FUT8: variants seen among roughly 807,000 people sequenced by gnomAD.
The protein encoded by FUT8 is fucosyltransferase 8, also known as alpha-(1,6)-fucosyltransferase.
In FUT8, 29 loss-of-function variants were observed where a neutral mutation model predicts 71.3. That is an observed-to-expected ratio of 0.41 (90% confidence interval 0.30 to 0.55). FUT8 has a LOEUF of 0.55. Ranked by LOEUF, FUT8 falls within the 20% of genes least tolerant of loss-of-function variation. FUT8 has a pLI of 0.34. For missense variants in FUT8, 544 were observed against 702.1 expected, an observed-to-expected ratio of 0.77 and a Z score of 2.55; for synonymous variants, 254 against 239.3, an observed-to-expected ratio of 1.06 and a Z score of -0.57.
chr14:65,724,718 A>C (rs1161484610), intron 9 of FUT8, among the ~76,000 whole-genome samples: 1 of 152,210 alleles, frequency 6.6e-6, no homozygotes, highest in Non-Finnish European at 1.5e-5. Flanking sequence ...TGGGAAATTC[A>C]AGATCAAGAT....
chr14:65,444,445 A>T (rs941422611), intron 1 of FUT8, among the ~76,000 whole-genome samples: 3 of 152,208 alleles, frequency 2.0e-5, no homozygotes, highest in African/African-American at 7.2e-5. Context: ...ACTTCTAAGT[A>T]TTTACCCAAG....
At chr14:65,704,009 C>T (rs1385094927) in intron 7 of FUT8, among the ~76,000 whole-genome samples, 2 of 152,162 alleles carry the variant, frequency 1.3e-5, no homozygotes, top group Non-Finnish European at 2.9e-5. Context: ...AGAATTTCTA[C>T]TTAATAATTC....
intron 3 of FUT8, among the ~76,000 whole-genome samples, chr14:65,608,334 C>A (rs960742382): frequency 1.3e-5 from 2 of 151,254 alleles, no homozygotes; most frequent in African/African-American, 4.9e-5. Context: ...TTATTCTTTC[C>A]AATGTTCATG....
rs1886660201 is a variant in FUT8 at position 65,574,637 on chromosome 14, T to A, written c.203+12871T>A. On this transcript the variant is annotated intron_variant, in intron 3 of 10. Coordinates refer to ENST00000673929, the MANE Select transcript of FUT8 (RefSeq NM_001371533.1). This position sits in a 1 kb window ranked among gnomAD's most constrained non-coding sequence, Gnocchi z 5.2. The stretch of plus-strand genomic sequence containing the variant: ...TATTTTTAATTAAACATGAAAAGCT[T>A]TAAATGGTGCTTCTTGTCTGTTTTA... 6.6e-6 allele frequency among the ~76,000 whole-genome samples: 1 copy of A among 152,130 alleles called. No individual in the cohort carries two copies. The highest frequency in any genetic ancestry group is 1.5e-5 in the Non-Finnish European group (1 of 68,030).
intron 3 of FUT8, among the ~76,000 whole-genome samples, chr14:65,583,646 C>CA (rs5809282): frequency 0.44 from 61,982 of 141,242 alleles, 14,338 homozygotes; most frequent in Non-Finnish European, 0.56. Context: ...AAATAATAAG[C>CA]AAAAAAAAAA....
chr14:65,599,010 C>G (rs1053693867), intron 3 of FUT8, among the ~76,000 whole-genome samples: 2 of 152,058 alleles, frequency 1.3e-5, no homozygotes, highest in Non-Finnish European at 2.9e-5. Context: ...AGGATGGTCT[C>G]GATCTCCTGA....
chr14:65,511,788 TA>T (rs1000833814), intron 2 of FUT8, among the ~76,000 whole-genome samples: 2 of 152,228 alleles, frequency 1.3e-5, no homozygotes, highest in Admixed American at 1.3e-4. Flanking sequence ...TGTGTCTTTA[TA>T]GGTGAAGTGT....
At chr14:65,631,175 C>G (rs865914093) in intron 6 of FUT8, among the ~76,000 whole-genome samples, 2 of 152,178 alleles carry the variant, frequency 1.3e-5, no homozygotes, top group Admixed American at 6.5e-5. Context: ...GAACCTCACT[C>G]AGTGAACTAT....
intron 3 of FUT8, among the ~76,000 whole-genome samples, chr14:65,575,269 T>G (rs1209780922): frequency 6.6e-6 from 1 of 151,876 alleles, no homozygotes; most frequent in African/African-American, 2.4e-5. Flanking sequence ...TTTCTTTCTC[T>G]CTTCTTCCAA....
intron 2 of FUT8, among the ~76,000 whole-genome samples, chr14:65,524,004 T>C (rs1009064293): frequency 3.9e-5 from 6 of 152,168 alleles, no homozygotes; most frequent in African/African-American, 1.2e-4. Flanking sequence ...TGTCAGGTAG[T>C]GTGATGCCTC....
At chr14:65,621,186 C>T (rs1265198850) in intron 5 of FUT8, among the ~76,000 whole-genome samples, 1 of 152,002 alleles carries the variant, frequency 6.6e-6, no homozygotes, top group African/African-American at 2.4e-5. Flanking sequence ...AAAGGTTCTG[C>T]ATTCATTATG....
intron 7 of FUT8, among the ~76,000 whole-genome samples, chr14:65,688,659 C>G (rs1478835896): frequency 6.6e-6 from 1 of 151,110 alleles, no homozygotes. Context: ...TTGAATAAAT[C>G]TAATGTAAAT....
At chr14:65,539,151 T>C (rs189386614) in intron 2 of FUT8, among the ~76,000 whole-genome samples, 7 of 152,362 alleles carry the variant, frequency 4.6e-5, no homozygotes, top group African/African-American at 1.7e-4. Flanking sequence ...CTTTTGTTTT[T>C]GTTCTATTAT....
intron 6 of FUT8, among the ~76,000 whole-genome samples, chr14:65,668,669 C>T (rs927427661): frequency 3.9e-5 from 6 of 152,140 alleles, no homozygotes; most frequent in Non-Finnish European, 8.8e-5. Flanking sequence ...CCCGCAATCC[C>T]GTTTTTGGGT....
intron 2 of FUT8, among the ~76,000 whole-genome samples, chr14:65,481,214 G>A (rs565660457): frequency 1.3e-4 from 20 of 152,096 alleles, no homozygotes; most frequent in African/African-American, 4.3e-4. Flanking sequence ...AAGTGATGTT[G>A]AGCATCTTTT....
intron 5 of FUT8, among the ~76,000 whole-genome samples, chr14:65,621,285 C>T (rs1889594625): frequency 6.6e-6 from 1 of 151,516 alleles, no homozygotes; most frequent in African/African-American, 2.4e-5. Flanking sequence ...GAGTCTCGCT[C>T]TGTTGCCAGG....
chr14:65,419,970 C>T lies in FUT8; in HGVS notation c.-326+6756C>T, dbSNP rs368420573. 8.5e-5 allele frequency among the ~76,000 whole-genome samples: 13 copies of T among 152,256 alleles called. No homozygotes were observed. In the East Asian group the frequency reaches 2.5e-3, roughly 29 times the overall value. The stretch of plus-strand genomic sequence containing the variant: ...CTGCTTGATACATCTCATAGGTTGT[C>T]AAGTGTGCATACGATGAGAGATATA... On this transcript the variant is annotated intron_variant, in intron 1 of 10. Transcript: ENST00000673929.
At chr14:65,658,249 A>T (rs540278625) in intron 6 of FUT8, among the ~76,000 whole-genome samples, 44 of 152,310 alleles carry the variant, frequency 2.9e-4, no homozygotes, top group African/African-American at 9.9e-4. Context: ...TGCAAAAGAC[A>T]TGATGAGATA....
rs1890974093 is a variant in FUT8 at position 65,643,704 on chromosome 14, A to ACC, written c.597+14099_597+14100insCC. 6.8e-6 allele frequency among the ~76,000 whole-genome samples: 1 copy of ACC among 147,230 alleles called. No individual in the cohort carries two copies. The highest frequency in any genetic ancestry group is 2.6e-5 in the African/African-American group (1 of 38,906). ...CACACACACACACACACACACACACACACACACACACCAGATTCCATTCTA... is the reference window on the plus strand; with the variant it reads ...CACACACACACACACACACACACACACCCACACACACACCAGATTCCATTCTA... On this transcript the variant is annotated intron_variant, in intron 6 of 10. Coordinates refer to ENST00000673929, the MANE Select transcript of FUT8 (RefSeq NM_001371533.1). The surrounding 1 kb of genome is among the most constrained non-coding windows in gnomAD (Gnocchi z 4.5).
Sources: allele counts gnomAD v4.1 joint callset (sites outside exome capture counted in the v4.1 genomes callset), GRCh38; gene constraint gnomAD v4.1.1; non-coding constraint Gnocchi (gnomAD v3.1); transcripts MANE v1.5; gene names NCBI Gene and HGNC (gene_info 2026-07-23, HGNC 2026-07-21).